Variants in FAM193B observed in about 807,000 individuals in gnomAD.
FAM193B encodes the protein protein FAM193B.
FAM193B carries 27 observed loss-of-function variants against 70.7 expected under a neutral mutation model. That is an observed-to-expected ratio of 0.38 (90% CI 0.28 to 0.53). The LOEUF is 0.53. Among genes scored for constraint, FAM193B ranks in the 20% least tolerant of loss-of-function variants. The pLI is 0.81. For synonymous variants in FAM193B, 448 were observed against 436.0 expected (o/e 1.03, Z -0.34); for missense variants, 1,022 against 1,072.5 (o/e 0.95, Z 0.66).
At chr5:177,551,501 A>G (rs1290791898) in intron 1 of FAM193B, among the ~76,000 whole-genome samples, 1 of 152,184 alleles carries the variant, frequency 6.6e-6, no homozygotes, top group Non-Finnish European at 1.5e-5. Flanking sequence ...ATGCCTAAGG[A>G]GCATACGCTG....
At position 177,536,752 on chromosome 5, in the gene FAM193B, G is replaced by A. The variant is rs1357352581; in HGVS notation, c.689-7C>T. 4 of 1,550,580 alleles carry A rather than the reference G, an allele frequency of 2.6e-6. No individual in the cohort carries two copies. The East Asian group carries it at 7.3e-5, about 28-fold the overall frequency. Reference sequence around the variant, plus strand: ...GAGACGGGGAAAGCCTCACCTGTGGGCAGAGGGAGGAGAAAGGGGTCAGAA... The same window carrying A: ...GAGACGGGGAAAGCCTCACCTGTGGACAGAGGGAGGAGAAAGGGGTCAGAA... On this transcript the variant is annotated splice_polypyrimidine_tract_variant and splice_region_variant and intron_variant, in intron 3 of 8. Coordinates refer to ENST00000514747, the MANE Select transcript of FAM193B (RefSeq NM_001190946.3).
At chr5:177,545,528 C>T (rs953259991) in intron 1 of FAM193B, among the ~76,000 whole-genome samples, 22 of 151,930 alleles carry the variant, frequency 1.4e-4, no homozygotes, top group African/African-American at 5.3e-4. Context: ...TCTTTGGGTT[C>T]CTCAATAATT....
chr5:177,535,758 G>A (rs564179725), intron 4 of FAM193B, among the ~76,000 whole-genome samples: 1 of 152,168 alleles, frequency 6.6e-6, no homozygotes, highest in South Asian at 2.1e-4. Context: ...CTACACGAAA[G>A]GTATATCAAA....
In FAM193B at chr5:177,538,884, C is replaced by A. The variant is rs1383060150; in HGVS notation, c.453+21G>T. ...GGAGGAGCCCTCCTGCATTCAGGGA[C>A]CCCTGTCAGCGGTTACCTACCGCCA... On this transcript the variant is annotated intron_variant, in intron 2 of 8. Coordinates refer to ENST00000514747, the MANE Select transcript of FAM193B (RefSeq NM_001190946.3). The surrounding 1 kb of genome is among the most constrained non-coding windows in gnomAD (Gnocchi z 4.1). 1 of 1,612,010 alleles carries A rather than the reference C, an allele frequency of 6.2e-7. No individual in the cohort carries two copies. The highest frequency in any genetic ancestry group is 1.1e-5 in the South Asian group (1 of 90,916).
At chr5:177,526,348 T>C (rs1346955107) in intron 5 of FAM193B, among the ~76,000 whole-genome samples, 1 of 152,124 alleles carries the variant, frequency 6.6e-6, no homozygotes, top group African/African-American at 2.4e-5. Flanking sequence ...GTGGGGTCCT[T>C]TCCCATGTGC....
chr5:177,525,743 A>G (rs1279334572), intron 5 of FAM193B, among the ~76,000 whole-genome samples: 1 of 152,252 alleles, frequency 6.6e-6, no homozygotes, highest in Non-Finnish European at 1.5e-5. Flanking sequence ...AATCAAGGTC[A>G]CACCTAGAGT....
rs189022444 is a variant in FAM193B at position 177,533,759 on chromosome 5, C to T, written c.1077-1118G>A. Among the ~76,000 whole-genome samples the T allele has an allele frequency of 9.9e-5, 15 of 152,218 alleles. No individual in the cohort carries two copies. The East Asian group carries it at 2.5e-3, about 25-fold the overall frequency. On this transcript the variant is annotated intron_variant, in intron 4 of 8. Transcript: ENST00000514747. ...GCAAACAGACAGTGACAATGATGCA[C>T]GATAAACAGGAGGATAAAGTGAGAT... is the stretch of plus-strand genomic sequence containing the variant.
At chr5:177,527,121 G>GC (rs61108504) in intron 5 of FAM193B, among the ~76,000 whole-genome samples, 15,226 of 152,242 alleles carry the variant, frequency 0.1, 1,043 homozygotes, top group African/African-American at 0.19. Context: ...CATCCCGGAG[G>GC]CAGTGAGACA....
chr5:177,547,488 G>A (rs571491180), intron 1 of FAM193B, among the ~76,000 whole-genome samples: 28 of 151,000 alleles, frequency 1.9e-4, no homozygotes, highest in Non-Finnish European at 5.9e-5. Context: ...GTTTCACCGT[G>A]TTAGCCAGGA....
chr5:177,534,397 T>C (rs1308730018), intron 4 of FAM193B, among the ~76,000 whole-genome samples: 1 of 150,420 alleles, frequency 6.6e-6, no homozygotes, highest in Non-Finnish European at 1.5e-5. Context: ...CCCAGGTTCA[T>C]GCGATTCTCC....
intron 6 of FAM193B, 30 bp downstream of exon 6, chr5:177,524,155 G>C (rs749797541): frequency 1.9e-6 from 3 of 1,587,828 alleles, no homozygotes; most frequent in African/African-American, 1.3e-5. Flanking sequence ...TGGGGTAGGG[G>C]GTCAGCCGCT....
Position 177,524,602 on chromosome 5 carries a change from G to A in FAM193B, c.1879C>T (p.Pro627Ser), listed in dbSNP as rs567176571. 2 of 1,612,008 alleles carry A rather than the reference G, an allele frequency of 1.2e-6. No individual in the cohort carries two copies. The highest frequency in any genetic ancestry group is 1.7e-6 in the Non-Finnish European group (2 of 1,179,170). ...TGTGGCTTCCCACCTGAGGACACAG[G>A]CTCAGGCAGCTCCTGCTTGCAACTG... ...VPSCKQELPEPVSSGGKPQKG... is the reference protein window; with the variant it reads ...VPSCKQELPESVSSGGKPQKG... Residue 627 changes from proline to serine, a missense_variant, in exon 6 of 9, where the codon CCT (proline) becomes TCT (serine). Transcript: ENST00000514747.
intron 1 of FAM193B, among the ~76,000 whole-genome samples, chr5:177,547,411 T>A (rs113142783): frequency 1.4e-5 from 2 of 147,582 alleles, no homozygotes; most frequent in Admixed American, 6.9e-5. Context: ...CAGCCTCCTG[T>A]GTAGCTGGGA....
At chr5:177,543,470 G>A (rs1184940005) in intron 1 of FAM193B, among the ~76,000 whole-genome samples, 5 of 152,204 alleles carry the variant, frequency 3.3e-5, no homozygotes, top group Admixed American at 3.3e-4. Flanking sequence ...CTCTGAGTTT[G>A]GTACACTTGA....
At chr5:177,551,264 T>C (rs1766200513) in intron 1 of FAM193B, among the ~76,000 whole-genome samples, 1 of 10,620 alleles carries the variant, frequency 9.4e-5, no homozygotes, top group African/African-American at 2.4e-4. Context: ...TTTCAGTTGT[T>C]CTTTATTTTT....
intron 4 of FAM193B, among the ~76,000 whole-genome samples, chr5:177,535,570 A>G (rs918504586): frequency 1.3e-5 from 2 of 152,218 alleles, no homozygotes; most frequent in Admixed American, 6.5e-5. Context: ...AGGTGCAGGG[A>G]TGCTTATTAC....
At chr5:177,551,753 T>C (rs1323423824) in intron 1 of FAM193B, among the ~76,000 whole-genome samples, 2 of 152,250 alleles carry the variant, frequency 1.3e-5, no homozygotes, top group East Asian at 3.8e-4. Flanking sequence ...TGGATTCAGT[T>C]TGGTATATGA....
At chr5:177,553,694 C>T (rs1766617872) in intron 1 of FAM193B, 2 of 1,287,676 alleles carry the variant, frequency 1.6e-6, no homozygotes, top group South Asian at 2.5e-5. Context: ...TGCAGAAACC[C>T]CACCAAAAAC....
chr5:177,545,257 C>A (rs542257564), intron 1 of FAM193B, among the ~76,000 whole-genome samples: 3 of 152,052 alleles, frequency 2.0e-5, no homozygotes, highest in African/African-American at 7.2e-5. Flanking sequence ...TTGGCCATGC[C>A]GGTCTTGAAC....
Sources: gnomAD v4.1 joint callset for allele counts (sites outside exome capture counted in the v4.1 genomes callset) on GRCh38, gnomAD v4.1.1 for gene constraint, Gnocchi (gnomAD v3.1) non-coding constraint, MANE v1.5 for transcripts, NCBI Gene and HGNC (gene_info 2026-07-23, HGNC 2026-07-21) for gene names.